Variants in CMIP observed in about 807,000 individuals in gnomAD.
CMIP encodes C-Maf-inducing protein.
Under a neutral mutation model 97.3 loss-of-function variants are expected in CMIP, and 13 were observed. That is an observed-to-expected ratio of 0.13 (90% CI 0.09 to 0.21). The LOEUF (loss-of-function observed/expected upper bound fraction) is 0.21, where lower values mean the gene tolerates loss of function less well. Ranked by LOEUF, CMIP falls within the 10% of genes least tolerant of loss-of-function variation. The pLI, the probability that CMIP is intolerant of heterozygous loss-of-function variation, is 1.00. For synonymous variants in CMIP, 538 were observed against 436.3 expected (o/e 1.23, Z -2.91); for missense variants, 847 against 1,024.9 (o/e 0.83, Z 2.37).
In CMIP at chr16:81,520,923, G is replaced by A. The variant is rs572318291; in HGVS notation, c.300+75382G>A. Among the ~76,000 whole-genome samples, 7 of 152,314 alleles carry A rather than the reference G, an allele frequency of 4.6e-5. No homozygotes were observed. The East Asian group carries it at 5.8e-4, about 13-fold the overall frequency. On this transcript the variant is annotated intron_variant, in intron 1 of 20. Coordinates refer to ENST00000537098, the MANE Select transcript of CMIP (RefSeq NM_198390.3). ...CCGTAGGAGCTGCTGTCGTGAGTGT[G>A]TGGCTAAATTGTGGGGAGCTCCCTG...
Position 81,627,971 on chromosome 16 carries a change from G to A in CMIP, c.477+7045G>A, listed in dbSNP as rs552736505. Among the ~76,000 whole-genome samples, 3 of 152,244 alleles carry A rather than the reference G, an allele frequency of 2.0e-5. No homozygotes were observed. In the South Asian group the frequency reaches 6.2e-4, roughly 32 times the overall value. ...GCAGGGCCTGGGTCATGTCCCCACTGGCTGCACCCTCAGGAGGGCGGGATC... is the reference window on the plus strand; with the variant it reads ...GCAGGGCCTGGGTCATGTCCCCACTAGCTGCACCCTCAGGAGGGCGGGATC... On this transcript the variant is annotated intron_variant, in intron 3 of 20. Coordinates refer to ENST00000537098, the MANE Select transcript of CMIP (RefSeq NM_198390.3). The surrounding 1 kb of genome is among the most constrained non-coding windows in gnomAD (Gnocchi z 4.6).
intron 1 of CMIP, among the ~76,000 whole-genome samples, chr16:81,493,652 G>A (rs1040629941): frequency 4.6e-5 from 7 of 152,208 alleles, no homozygotes; most frequent in African/African-American, 1.7e-4. Flanking sequence ...CTCCGCATGG[G>A]AAAACTGAGC....
chr16:81,502,541 C>G (rs2089632265), intron 1 of CMIP, among the ~76,000 whole-genome samples: 2 of 152,148 alleles, frequency 1.3e-5, no homozygotes, highest in Non-Finnish European at 2.9e-5. Flanking sequence ...ATCCATGGGC[C>G]TGTCACGTGC....
chr16:81,508,376 T>C (rs2089749525), intron 1 of CMIP, among the ~76,000 whole-genome samples: 1 of 152,176 alleles, frequency 6.6e-6, no homozygotes. Context: ...AATGATAGAA[T>C]CCTGTGCACA....
rs74379562 is a variant in CMIP, at chr16:81,699,652, C to G, written c.1639-33C>G. ...CGCTGGAGGCTGGCACTGGGTGTCT[C>G]TGTCCCTTCACCTGGGCCTTCTTGC... is the stretch of plus-strand genomic sequence containing the variant. On this transcript the variant is annotated intron_variant, in intron 14 of 20. Coordinates refer to ENST00000537098, the MANE Select transcript of CMIP (RefSeq NM_198390.3). 20 of 1,439,984 alleles carry G rather than the reference C, an allele frequency of 1.4e-5. No homozygotes were observed. The South Asian group carries it at 2.2e-4, about 16-fold the overall frequency. The allele number at this position is 1,439,984 out of a possible 1,614,324, so 89.2% of individuals were successfully genotyped here.
intron 7 of CMIP, among the ~76,000 whole-genome samples, chr16:81,667,799 A>AGAGAGAGAGAGAGAGAGAGAGAGT: frequency 1.7e-5 from 1 of 58,096 alleles, no homozygotes; most frequent in Non-Finnish European, 3.2e-5. Flanking sequence ...AGAGAGAGAG[A>AGAGAGAGAGAGAGAGAGAGAGAGT]GTGTGTGTGT....
rs572591775 is a variant in CMIP at position 81,685,711 on chromosome 16, CT to C, written c.1389-6047del. 8.2e-3 allele frequency among the ~76,000 whole-genome samples: 1,108 copies of C among 135,052 alleles called. 7 individuals carry two copies. The highest frequency in any genetic ancestry group is 0.076 in the South Asian group (317 of 4,168). The allele number at this position is 135,052 out of a possible 152,430, so 88.6% of individuals were successfully genotyped here. ...AGGTGCACACCACCTGCCTGGCTTA[CT>C]TTTTTTTTTTTTTTTTAACTTTTTT... On this transcript the variant is annotated intron_variant, in intron 10 of 20. Transcript: ENST00000537098.
chr16:81,633,350 T>G (rs570943058), intron 3 of CMIP, among the ~76,000 whole-genome samples: 235 of 152,264 alleles, frequency 1.5e-3, no homozygotes, highest in Non-Finnish European at 3.1e-3. Flanking sequence ...CTGCCATTCT[T>G]TTGTTGGCCT....
At chr16:81,460,085 T>A (rs1269019323) in intron 1 of CMIP, among the ~76,000 whole-genome samples, 1 of 149,262 alleles carries the variant, frequency 6.7e-6, no homozygotes, top group African/African-American at 2.4e-5. Flanking sequence ...CTCTGAGAGG[T>A]GAGGTTTGGC....
intron 1 of CMIP, among the ~76,000 whole-genome samples, chr16:81,455,354 T>C (rs776276353): frequency 6.6e-6 from 1 of 152,244 alleles, no homozygotes; most frequent in Non-Finnish European, 1.5e-5. Context: ...CTCTCCATTT[T>C]ACCGATGGGG....
At chr16:81,512,844 C>G (rs993216525) in intron 1 of CMIP, among the ~76,000 whole-genome samples, 2 of 152,176 alleles carry the variant, frequency 1.3e-5, no homozygotes, top group Non-Finnish European at 2.9e-5. Context: ...TCAAGCAATT[C>G]TCCTGCCTCA....
chr16:81,573,774 G>A (rs1597104286), intron 1 of CMIP, among the ~76,000 whole-genome samples: 2 of 152,302 alleles, frequency 1.3e-5, no homozygotes. Flanking sequence ...GGGTGGCAGT[G>A]TAATGTGTAA....
intron 6 of CMIP, among the ~76,000 whole-genome samples, chr16:81,663,336 G>C (rs2092568025): frequency 6.6e-6 from 1 of 151,624 alleles, no homozygotes; most frequent in Non-Finnish European, 1.5e-5. Context: ...CGAAGAGAAA[G>C]GGGGAGCTTT....
rs774601270 is a variant in CMIP, at chr16:81,620,880, C to A, written c.431C>A (p.Ala144Asp). Residue 144 changes from alanine (A) to aspartate (D), a missense_variant, in exon 3 of 21, where the codon GCC becomes GAC. By Grantham distance (126) the Ala-to-Asp change is moderately radical. Coordinates refer to ENST00000537098, the MANE Select transcript of CMIP (RefSeq NM_198390.3). ...IPGGTVLLQA[A>D]NSYLRDQWFH... ...GTCCTGTTCTTGTCGTTACAGGCTG[C>A]CAATAGCTACCTGCGAGACCAGTGG... 47 of 1,613,826 alleles carry A rather than the reference C, an allele frequency of 2.9e-5. No individual in the cohort carries two copies. Among genetic ancestry groups the A allele is most frequent in the South Asian group, 7.7e-5 (7 of 91,092 alleles).
chr16:81,707,161 C>A, intron 20 of CMIP, 77 bp downstream of exon 20: 1 of 1,186,706 alleles, frequency 8.4e-7, no homozygotes. Flanking sequence ...ATCTCCTGCA[C>A]AGAGCTCGTT....
chr16:81,459,069 TCACC>T (rs1444524506), intron 1 of CMIP, among the ~76,000 whole-genome samples: 15 of 151,924 alleles, frequency 9.9e-5, no homozygotes, highest in African/African-American at 3.6e-4. Context: ...ACTGTCACCG[TCACC>T]GTCACCATCA....
intron 1 of CMIP, among the ~76,000 whole-genome samples, chr16:81,562,966 G>A (rs1423271595): frequency 6.6e-6 from 1 of 152,200 alleles, no homozygotes; most frequent in Non-Finnish European, 1.5e-5. Context: ...GAACTGCTGA[G>A]CAGAGCTTTC....
intron 1 of CMIP, among the ~76,000 whole-genome samples, chr16:81,513,083 T>G (rs565254276): frequency 6.6e-6 from 1 of 152,372 alleles, no homozygotes; most frequent in South Asian, 2.1e-4. Flanking sequence ...TTTTGGATGC[T>G]CCGGTTGGCC....
At chr16:81,545,682 C>T (rs959470391) in intron 1 of CMIP, among the ~76,000 whole-genome samples, 1 of 152,198 alleles carries the variant, frequency 6.6e-6, no homozygotes, top group Non-Finnish European at 1.5e-5. Flanking sequence ...CTTGACTGAT[C>T]TGCTTCTGTT....
Sources: gnomAD v4.1 joint callset for allele counts (sites outside exome capture counted in the v4.1 genomes callset) on GRCh38, gnomAD v4.1.1 for gene constraint, Gnocchi (gnomAD v3.1) non-coding constraint, MANE v1.5 for transcripts, NCBI Gene and HGNC (gene_info 2026-07-23, HGNC 2026-07-21) for gene names.